Variants in SYCP1 observed in about 807,000 individuals in gnomAD.
SYCP1 encodes the protein cancer/testis antigen 8.
In SYCP1, 64 loss-of-function variants were observed where a neutral mutation model predicts 153.1. The ratio of observed to expected loss-of-function variants is 0.42; its 90% CI spans 0.34 to 0.51. The LOEUF (loss-of-function observed/expected upper bound fraction) is 0.51, where lower values mean the gene tolerates loss of function less well. Ranked by LOEUF, SYCP1 falls within the 20% of genes least tolerant of loss-of-function variation. The probability of loss-of-function intolerance (pLI) is 0.06; values close to 1 mark genes in which losing one functional copy is unlikely to be tolerated. For synonymous variants in SYCP1, 384 were observed against 341.8 expected (o/e 1.12, Z -1.36); for missense variants, 997 against 1,049.0 (o/e 0.95, Z 0.68).
At chr1:114,973,831 A>G (rs759395853) in intron 27 of SYCP1, among the ~76,000 whole-genome samples, 2 of 151,898 alleles carry the variant, frequency 1.3e-5, no homozygotes, top group Admixed American at 6.6e-5. Flanking sequence ...AATTTCTTAT[A>G]TATTTTTTCT....
At chr1:114,964,850 C>CT (rs1174011605) in intron 27 of SYCP1, among the ~76,000 whole-genome samples, 2 of 152,066 alleles carry the variant, frequency 1.3e-5, no homozygotes, top group Non-Finnish European at 2.9e-5. Flanking sequence ...TATATGGGCT[C>CT]TTTTTTGTTC....
intron 12 of SYCP1, among the ~76,000 whole-genome samples, chr1:114,878,718 A>G (rs1468549492): frequency 1.3e-5 from 2 of 151,662 alleles, no homozygotes; most frequent in South Asian, 2.1e-4. Flanking sequence ...TAATTTTTGT[A>G]TTTTCCTAGA....
At chr1:114,892,695 G>A (rs1666800390) in intron 15 of SYCP1, among the ~76,000 whole-genome samples, 1 of 152,072 alleles carries the variant, frequency 6.6e-6, no homozygotes, top group South Asian at 2.1e-4. Context: ...TTTTCCTGGC[G>A]CACGCACGGG....
chr1:114,878,344 A>G, intron 12 of SYCP1, 142 bp downstream of exon 12: 1 of 558,770 alleles, frequency 1.8e-6, no homozygotes, highest in Admixed American at 3.5e-5. Context: ...GGAGGAGGGC[A>G]TAATAGATTA....
chr1:114,855,818 CCTT>C (rs547993493), intron 2 of SYCP1, among the ~76,000 whole-genome samples: 286 of 152,264 alleles, frequency 1.9e-3, no homozygotes, highest in Non-Finnish European at 2.5e-3. Context: ...TTTTAATTCT[CCTT>C]CTTTCCGTAT....
chr1:114,947,259 C>A lies in SYCP1; in HGVS notation c.2261C>A (p.Ser754Tyr). 2 of 1,611,334 alleles carry A rather than the reference C, an allele frequency of 1.2e-6. No individual in the cohort carries two copies. The highest frequency in any genetic ancestry group is 8.5e-7 in the Non-Finnish European group (1 of 1,178,446). Residue 754 changes from serine to tyrosine, a missense_variant, in exon 27 of 32, where the codon TCC (serine) becomes TAC (tyrosine). By Grantham distance (144) the Ser-to-Tyr change is moderately radical. Around this residue, in one of 2 missense-constraint regions of SYCP1, gnomAD observed 712 missense variants for 682.9 expected, o/e 1.04. Transcript: ENST00000369522. ...SLRASLEIELSNLKAELLSVK... is the reference protein window; with the variant it reads ...SLRASLEIELYNLKAELLSVK... Reference sequence around the variant, plus strand: ...CTTTTTCTTTAGGAGATTGAACTATCCAATCTCAAAGCTGAACTTTTGTCT... The same window carrying A: ...CTTTTTCTTTAGGAGATTGAACTATACAATCTCAAAGCTGAACTTTTGTCT...
chr1:114,985,198 A>G (rs1673417010), intron 30 of SYCP1, among the ~76,000 whole-genome samples: 1 of 151,946 alleles, frequency 6.6e-6, no homozygotes, highest in South Asian at 2.1e-4. Flanking sequence ...AGAGAGATGG[A>G]GTGAATATTT....
intron 16 of SYCP1, among the ~76,000 whole-genome samples, chr1:114,905,330 A>G (rs916465833): frequency 2.0e-5 from 3 of 152,222 alleles, no homozygotes; most frequent in African/African-American, 7.2e-5. Context: ...ACTTACAAAC[A>G]GAAGCCATGT....
In SYCP1 at chr1:114,951,994, C is replaced by CT. The variant is rs149561428; in HGVS notation, c.2322+4682dup. On this transcript the variant is annotated intron_variant, in intron 27 of 31. Coordinates refer to ENST00000369522, the MANE Select transcript of SYCP1 (RefSeq NM_003176.4). ...GAAAGCAGATAGAAAAATGTAAATA[C>CT]TTTTTTTTAGTTTTTATTGCCAAGT... 2.6e-5 allele frequency among the ~76,000 whole-genome samples: 4 copies of CT among 151,890 alleles called. No homozygotes were observed. In the East Asian group the frequency reaches 5.8e-4, roughly 22 times the overall value.
chr1:114,886,117 T>G lies in SYCP1; in HGVS notation c.1006-8T>G, dbSNP rs745789947. The G allele has an allele frequency of 3.8e-6, 6 of 1,559,900 alleles. No individual in the cohort carries two copies. The highest frequency in any genetic ancestry group is 5.2e-6 in the Non-Finnish European group (6 of 1,157,746). On this transcript the variant is annotated splice_polypyrimidine_tract_variant and splice_region_variant and intron_variant, in intron 13 of 31. Transcript: ENST00000369522. ...CATTGCTCTTGTTTTATACTTTATT[T>G]CATTTAGAGTACTCAAAAGGCTTTA...
intron 23 of SYCP1, among the ~76,000 whole-genome samples, chr1:114,936,910 G>C (rs1670049703): frequency 1.3e-5 from 2 of 152,150 alleles, no homozygotes; most frequent in Admixed American, 6.5e-5. Flanking sequence ...ACAGCAAATG[G>C]AAGAACATTC....
intron 16 of SYCP1, among the ~76,000 whole-genome samples, 154 bp downstream of exon 16, chr1:114,895,663 T>G (rs1667012055): frequency 6.6e-6 from 1 of 152,162 alleles, no homozygotes; most frequent in South Asian, 2.1e-4. Context: ...AGATGCATTT[T>G]TTAGACCAAT....
intron 29 of SYCP1, among the ~76,000 whole-genome samples, chr1:114,982,697 A>G: frequency 6.6e-6 from 1 of 151,888 alleles, no homozygotes; most frequent in East Asian, 1.9e-4. Context: ...ATCTTTGTCT[A>G]GTTAAGTCCA....
intron 28 of SYCP1, among the ~76,000 whole-genome samples, chr1:114,980,803 A>G (rs937890169): frequency 2.0e-5 from 3 of 151,884 alleles, no homozygotes; most frequent in African/African-American, 7.2e-5. Context: ...TTTTAAGTTC[A>G]GGGGTACATG....
chr1:114,930,607 T>C (rs1161326496), intron 23 of SYCP1, among the ~76,000 whole-genome samples: 1 of 151,900 alleles, frequency 6.6e-6, no homozygotes, highest in African/African-American at 2.4e-5. Flanking sequence ...GAAGTTGAAA[T>C]TGTCATTAAA....
chr1:114,913,023 TA>T lies in SYCP1; in HGVS notation c.1530-4del, dbSNP rs756190107. The T allele has an allele frequency of 7.8e-5, 121 of 1,546,788 alleles. No homozygotes were observed. Among genetic ancestry groups the T allele is most frequent in the Admixed American group, 6.7e-4 (33 of 49,184 alleles). ...AATATTTTGGTATGACTTTTTTTTT[TA>T]AAAAATAGGCTTAAGAATACTGAAT... On this transcript the variant is annotated splice_polypyrimidine_tract_variant and intron_variant, in intron 18 of 31. Coordinates refer to ENST00000369522, the MANE Select transcript of SYCP1 (RefSeq NM_003176.4).
chr1:114,946,629 T>A (rs1385725849), intron 26 of SYCP1, among the ~76,000 whole-genome samples: 2 of 152,170 alleles, frequency 1.3e-5, no homozygotes, highest in African/African-American at 2.4e-5. Context: ...GACCTCTGAT[T>A]GAAATTGGGA....
chr1:114,937,775 A>G (rs1280240804), intron 23 of SYCP1, among the ~76,000 whole-genome samples: 2 of 152,244 alleles, frequency 1.3e-5, no homozygotes, highest in South Asian at 2.1e-4. Flanking sequence ...ACATTTATGC[A>G]GCCAACAGAC....
chr1:114,881,026 A>T (rs1665880058), intron 12 of SYCP1, among the ~76,000 whole-genome samples: 1 of 149,944 alleles, frequency 6.7e-6, no homozygotes, highest in Admixed American at 6.7e-5. Context: ...ATTATTTCTT[A>T]TGGCTGAACA....
Sources: allele counts gnomAD v4.1 joint callset (sites outside exome capture counted in the v4.1 genomes callset), GRCh38; gene constraint gnomAD v4.1.1; regional missense constraint gnomAD v4.1.1; transcripts MANE v1.5; gene names NCBI Gene and HGNC (gene_info 2026-07-23, HGNC 2026-07-21).